CFI: variants seen among roughly 807,000 people sequenced by gnomAD.
The protein encoded by CFI is C3B/C4B inactivator.
Under a neutral mutation model 78.8 loss-of-function variants are expected in CFI, and 66 were observed. The observed-to-expected ratio is 0.84, with a 90% CI of 0.69 to 1.03. The LOEUF is 1.03. Ranked by LOEUF, CFI falls within the 50% of genes least tolerant of loss-of-function variation. The probability of loss-of-function intolerance (pLI) is 0.00; values close to 1 mark genes in which losing one functional copy is unlikely to be tolerated. For missense variants in CFI, 706 were observed against 704.5 expected, an observed-to-expected ratio of 1.00 and a Z score of -0.02; for synonymous variants, 250 against 232.6, an observed-to-expected ratio of 1.07 and a Z score of -0.68.
intron 1 of CFI, among the ~76,000 whole-genome samples, chr4:109,785,263 T>A (rs1258655502): frequency 1.3e-5 from 2 of 152,148 alleles, no homozygotes; most frequent in South Asian, 2.1e-4. Flanking sequence ...ACACGTGACA[T>A]CTTTCCCAGC....
chr4:109,748,821 T>C (rs1359302851), intron 10 of CFI, among the ~76,000 whole-genome samples: 2 of 152,182 alleles, frequency 1.3e-5, no homozygotes, highest in Non-Finnish European at 2.9e-5. Context: ...TGCAAAGTCA[T>C]TGCATTTTAG....
In CFI at chr4:109,745,250, A is replaced by G. The variant is rs1481395121; in HGVS notation, c.1429+972T>C. Among the ~76,000 whole-genome samples the G allele has an allele frequency of 4.6e-5, 7 of 152,268 alleles. No homozygotes were observed. In the Middle Eastern group the frequency reaches 0.02, roughly 444 times the overall value. On this transcript the variant is annotated intron_variant, in intron 11 of 12. Transcript: ENST00000394634. ...CAGGCTAGACTGCAGTAGCACAATC[A>G]TGGCTCACTGCAACCTCAACCTCCC...
intron 1 of CFI, among the ~76,000 whole-genome samples, chr4:109,798,886 GGAGA>G (rs201429214): frequency 9.4e-6 from 1 of 106,140 alleles, no homozygotes; most frequent in Non-Finnish European, 1.6e-5. Context: ...GCAAGAGGAG[GGAGA>G]GAGAGAGAGA....
intron 1 of CFI, among the ~76,000 whole-genome samples, chr4:109,777,797 G>T (rs1240435308): frequency 6.6e-6 from 1 of 152,152 alleles, no homozygotes. Context: ...AGACCACAGT[G>T]CAATCAAACT....
chr4:109,746,188 A>G, intron 11 of CFI, 34 bp downstream of exon 11: 1 of 1,611,658 alleles, frequency 6.2e-7, no homozygotes, highest in South Asian at 1.1e-5. Context: ...TTTCCAACTC[A>G]TGGCTTCTGA....
intron 1 of CFI, among the ~76,000 whole-genome samples, chr4:109,776,544 C>T (rs1215676626): frequency 6.6e-6 from 1 of 152,246 alleles, no homozygotes; most frequent in East Asian, 1.9e-4. Context: ...CTGGAAAACA[C>T]TCTTCAGGAT....
At chr4:109,798,465 A>C (rs1732338264) in intron 1 of CFI, among the ~76,000 whole-genome samples, 1 of 152,060 alleles carries the variant, frequency 6.6e-6, no homozygotes, top group Non-Finnish European at 1.5e-5. Flanking sequence ...ATGTACACTA[A>C]ATATGTAGAG....
chr4:109,771,036 G>A (rs757028084), intron 1 of CFI, among the ~76,000 whole-genome samples: 2 of 152,094 alleles, frequency 1.3e-5, no homozygotes, highest in Admixed American at 6.6e-5. Context: ...GGTGGGAGAC[G>A]GGTGATAGGA....
At chr4:109,792,317 GC>G (rs957862459) in intron 1 of CFI, among the ~76,000 whole-genome samples, 16 of 152,076 alleles carry the variant, frequency 1.1e-4, no homozygotes, top group African/African-American at 3.9e-4. Context: ...AGTGACTCAC[GC>G]CTATAATCTC....
chr4:109,736,269 T>C (rs1361750853), downstream of CFI, among the ~76,000 whole-genome samples: 3 of 151,770 alleles, frequency 2.0e-5, no homozygotes, highest in Non-Finnish European at 4.4e-5. Context: ...CAAGACTCTT[T>C]TTCCTGGGTC....
intron 1 of CFI, among the ~76,000 whole-genome samples, chr4:109,779,306 T>C (rs925164940): frequency 6.6e-6 from 1 of 152,156 alleles, no homozygotes; most frequent in Non-Finnish European, 1.5e-5. Flanking sequence ...AAAATCAATG[T>C]GCAAAAATCA....
At chr4:109,756,905 G>GAAAGAAAGAAAGAAAGAAA (rs1726278770) in intron 7 of CFI, among the ~76,000 whole-genome samples, 4 of 56,400 alleles carry the variant, frequency 7.1e-5, no homozygotes, top group African/African-American at 2.6e-4. Flanking sequence ...AAGAAAGAAA[G>GAAAGAAAGAAAGAAAGAAA]AAAGAAAGAA....
At chr4:109,738,054 A>G (rs954785209), downstream of CFI, among the ~76,000 whole-genome samples, 1 of 150,234 alleles carries the variant, frequency 6.7e-6, no homozygotes, top group Non-Finnish European at 1.5e-5. Context: ...CCCTTCCTAG[A>G]TTGGCTGAGG....
intron 1 of CFI, among the ~76,000 whole-genome samples, chr4:109,785,701 C>A (rs1238100584): frequency 3.9e-5 from 6 of 151,986 alleles, no homozygotes; most frequent in Non-Finnish European, 2.9e-5. Flanking sequence ...CCCATAATCC[C>A]CATAATTCTG....
intron 1 of CFI, among the ~76,000 whole-genome samples, chr4:109,784,743 C>T (rs575286517): frequency 2.0e-5 from 3 of 152,198 alleles, no homozygotes; most frequent in African/African-American, 7.2e-5. Context: ...TACAGACTTA[C>T]ATCTAACACA....
At chr4:109,749,393 T>A (rs546885255) in intron 9 of CFI, 72 bp from the exon 10 acceptor site, 1 of 1,502,644 alleles carries the variant, frequency 6.7e-7, no homozygotes, top group East Asian at 2.3e-5. Context: ...GATATTTCCA[T>A]GGCAAGACTC....
In CFI at chr4:109,766,570, TC is replaced by T; in HGVS notation, c.311del (p.Gly104GlufsTer13). The T allele has an allele frequency of 6.2e-7, 1 of 1,614,216 alleles. No homozygotes were observed. The highest frequency in any genetic ancestry group is 1.1e-5 in the South Asian group (1 of 91,086). Reference protein sequence around the residue: ...LHPGTKFLNNGTCTAEGKFSV... With the variant: ...LHPGTKFLNNXTCTAEGKFSV... ...TCTTGCTACCTTCGGCTGTGCATGT[TC>T]CGTTATTTAAAAACTTTGTCCCTGG... is the stretch of plus-strand genomic sequence containing the variant. On this transcript the variant is annotated frameshift_variant, in exon 2 of 13. Coordinates refer to ENST00000394634, the MANE Select transcript of CFI (RefSeq NM_000204.5). LOFTEE classifies it high-confidence loss of function.
chr4:109,755,094 A>G (rs1221807315), intron 7 of CFI, among the ~76,000 whole-genome samples: 1 of 152,214 alleles, frequency 6.6e-6, no homozygotes. Context: ...GAAAGATTAC[A>G]ATGAAAGAAA....
intron 1 of CFI, among the ~76,000 whole-genome samples, chr4:109,796,626 G>C (rs1001200140): frequency 6.6e-6 from 1 of 152,100 alleles, no homozygotes; most frequent in Non-Finnish European, 1.5e-5. Flanking sequence ...ACATAGCAAG[G>C]TCCCATCACT....
Sources: gnomAD v4.1 joint callset for allele counts (sites outside exome capture counted in the v4.1 genomes callset) on GRCh38, gnomAD v4.1.1 for gene constraint, MANE v1.5 for transcripts, NCBI Gene and HGNC (gene_info 2026-07-23, HGNC 2026-07-21) for gene names.